Variants in SGSH observed in about 807,000 individuals in gnomAD.
The protein encoded by SGSH is heparan sulfate sulfatase.
Under a neutral mutation model 51.0 loss-of-function variants are expected in SGSH, and 48 were observed. That is an observed-to-expected ratio of 0.94 (90% CI 0.75 to 1.20). SGSH has a LOEUF of 1.20. SGSH is among the 50% of genes most tolerant of loss of function. The pLI is 0.00. For synonymous variants in SGSH, 321 were observed against 313.4 expected (o/e 1.02, Z -0.26); for missense variants, 662 against 717.8 (o/e 0.92, Z 0.89).
intron 4 of SGSH, 111 bp downstream of exon 4, chr17:80,214,503 CT>C: frequency 7.5e-7 from 1 of 1,328,796 alleles, no homozygotes; most frequent in Non-Finnish European, 1.0e-6. Context: ...CTGGAACCTT[CT>C]CCCCTGCCCC....
intron 4 of SGSH, 129 bp downstream of exon 4, chr17:80,214,486 C>T (rs896078878): frequency 1.4e-5 from 18 of 1,289,128 alleles, no homozygotes; most frequent in African/African-American, 2.9e-5. Context: ...CAGGCTAACT[C>T]GAGTACCTGG....
Position 80,213,866 on chromosome 17 carries a change from T to A in SGSH, c.683A>T (p.Asn228Ile), listed in dbSNP as rs771177142. The change falls in exon 6 of 8, where the codon AAC becomes ATC. Residue 228 changes from asparagine to isoleucine, a missense_variant. Coordinates refer to ENST00000326317, the MANE Select transcript of SGSH (RefSeq NM_000199.5). The surrounding 1 kb of genome is among the most constrained non-coding windows in gnomAD (Gnocchi z 4.6). The part of the protein sequence containing the change: ...LDVLVPYFVP[N>I]TPAARADLAA... ...CAGGTCGGCTCGGGCTGCCGGGGTG[T>A]TGGGGACGAAGTAAGGCACCTGGGG... 1 of 1,608,270 alleles carries A rather than the reference T, an allele frequency of 6.2e-7. No individual in the cohort carries two copies. The highest frequency in any genetic ancestry group is 1.7e-5 in the Admixed American group (1 of 59,570).
At chr17:80,204,891 T>G, downstream of SGSH, 1 of 684,020 alleles carries the variant, frequency 1.5e-6, no homozygotes. Flanking sequence ...GAGTGAGTCC[T>G]GTGACCGCTG....
At position 80,210,487 on chromosome 17, in the gene SGSH, A is replaced by G. The variant is rs1458548920; in HGVS notation, c.1474T>C (p.Ser492Pro). The G allele has an allele frequency of 6.2e-7, 1 of 1,602,582 alleles. No individual in the cohort carries two copies. The highest frequency in any genetic ancestry group is 1.3e-5 in the African/African-American group (1 of 74,832). The stretch of plus-strand genomic sequence containing the variant: ...TTGTGGAGGGGCTGGCACTGGGGAG[A>G]GAGCTTCTCCTCCAGGACGCCGTCG... Reference protein sequence around the residue: ...APDGVLEEKLSPQCQPLHNEL With the variant: ...APDGVLEEKLPPQCQPLHNEL The change falls in exon 8 of 8, where the codon TCT (serine) becomes CCT (proline). Residue 492 changes from serine to proline, a missense_variant. Transcript: ENST00000326317.
chr17:80,215,546 C>A (rs367809891), intron 2 of SGSH, among the ~76,000 whole-genome samples: 91 of 152,364 alleles, frequency 6.0e-4, no homozygotes, highest in African/African-American at 2.1e-3. Context: ...GCCGGCCGGG[C>A]GTGGTGGCTC....
chr17:80,219,518 G>A (rs1476196690), intron 1 of SGSH, among the ~76,000 whole-genome samples: 1 of 152,218 alleles, frequency 6.6e-6, no homozygotes. Flanking sequence ...GGAGTTGGCA[G>A]GAGAGCTGTT....
In SGSH at chr17:80,210,921, G is replaced by A. The variant is rs780239925; in HGVS notation, c.1040C>T (p.Ser347Phe). ...GSKTIHLTGRSLLPALEAEPL... is the reference protein window; with the variant it reads ...GSKTIHLTGRFLLPALEAEPL... The stretch of plus-strand genomic sequence containing the variant: ...CTCGGCCTCCAGCGCCGGCAGGAGG[G>A]ACCGGCCAGTGAGGTGGATGGTCTT... The change falls in exon 8 of 8, where the codon TCC becomes TTC. Residue 347 changes from serine (S) to phenylalanine (F), a missense_variant. Ser to Phe is a radical substitution (Grantham distance 155). Coordinates refer to ENST00000326317, the MANE Select transcript of SGSH (RefSeq NM_000199.5). 6.2e-6 allele frequency: 10 copies of A among 1,609,236 alleles called. No homozygotes were observed. The East Asian group carries it at 2.2e-4, about 36-fold the overall frequency.
At position 80,210,655 on chromosome 17, in the gene SGSH, A is replaced by G; in HGVS notation, c.1306T>C (p.Trp436Arg). Residue 436 changes from tryptophan to arginine, a missense_variant, in exon 8 of 8, where the codon TGG becomes CGG. Coordinates refer to ENST00000326317, the MANE Select transcript of SGSH (RefSeq NM_000199.5). ...TCCCGGCTCCGGTCGTAGAGCTCCC[A>G]GCGCGCCCGGTAGTAGTAATGACGG... is the stretch of plus-strand genomic sequence containing the variant. The part of the protein sequence containing the change: ...DLRHYYYRAR[W>R]ELYDRSRDPH... 1 of 1,613,986 alleles carries G rather than the reference A, an allele frequency of 6.2e-7. No individual in the cohort carries two copies. Among genetic ancestry groups the G allele is most frequent in the Non-Finnish European group, 8.5e-7 (1 of 1,180,030 alleles).
At chr17:80,205,068 T>C (rs1350403084), downstream of SGSH, 3 of 1,609,908 alleles carry the variant, frequency 1.9e-6, no homozygotes, top group Non-Finnish European at 2.5e-6. Context: ...GAGAGCTGCC[T>C]CACCCTGGTG....
chr17:80,205,395 G>T, downstream of SGSH: 2 of 1,295,878 alleles, frequency 1.5e-6, no homozygotes, highest in Non-Finnish European at 2.1e-6. Context: ...GCAGGGTCAG[G>T]TTTGTAAAGT....
At position 80,210,698 on chromosome 17, in the gene SGSH, C is replaced by G. The variant is rs140931352; in HGVS notation, c.1263G>C (p.Thr421=). 8.7e-6 allele frequency: 14 copies of G among 1,613,900 alleles called. No individual in the cohort carries two copies. The East Asian group carries it at 3.1e-4, about 36-fold the overall frequency. ...LLNRTTAGQP[T]GWYKDLRHYY... ...AATGACGGAGGTCCTTGTACCAGCCCGTGGGCTGACCAGCTGTGGTGCGGT... is the reference window on the plus strand; with the variant it reads ...AATGACGGAGGTCCTTGTACCAGCCGGTGGGCTGACCAGCTGTGGTGCGGT... Residue 421 remains threonine, a synonymous_variant, in exon 8 of 8, where the codon ACG becomes ACC. Transcript: ENST00000326317.
At position 80,217,878 on chromosome 17, in the gene SGSH, C is replaced by G. The variant is rs974302850; in HGVS notation, c.89-686G>C. ...GATGATACCCTAAGCAGGCATGATA[C>G]CCGGTGGGTATGTTGGCAGGTGGGC... On this transcript the variant is annotated intron_variant, in intron 1 of 7. Transcript: ENST00000326317. 6.7e-5 allele frequency among the ~76,000 whole-genome samples: 10 copies of G among 149,204 alleles called. 1 individual carries two copies. The highest frequency in any genetic ancestry group is 6.0e-4 in the Admixed American group (9 of 15,012).
At chr17:80,208,340 C>T (rs781476504), downstream of SGSH, 16 of 1,592,834 alleles carry the variant, frequency 1.0e-5, no homozygotes, top group African/African-American at 2.7e-5. Flanking sequence ...GCAGAGCCCC[C>T]GATGATGCAC....
downstream of SGSH, chr17:80,206,991 G>A (rs375006162): frequency 2.5e-5 from 40 of 1,611,678 alleles, no homozygotes; most frequent in African/African-American, 6.7e-5. Context: ...CCTCCTGGAC[G>A]TCCAGCTGGA....
At chr17:80,205,487 C>T (rs756582370), downstream of SGSH, 14 of 1,566,094 alleles carry the variant, frequency 8.9e-6, no homozygotes, top group African/African-American at 1.2e-4. Flanking sequence ...CCCCAGACCC[C>T]CACACAGCTG....
At chr17:80,216,605 T>A in intron 2 of SGSH, 1 of 208,758 alleles carries the variant, frequency 4.8e-6, no homozygotes, top group South Asian at 9.5e-5. Flanking sequence ...TAGGAGCATG[T>A]GTGCCTTAAC....
At chr17:80,203,260 ACT>A (rs1325588739), downstream of SGSH, 1 of 146,408 alleles carries the variant, frequency 6.8e-6, no homozygotes, top group East Asian at 2.0e-4. This position sits in a 1 kb window ranked among gnomAD's most constrained non-coding sequence, Gnocchi z 4.6. Context: ...ACAGAGTGAG[ACT>A]CTGTCTCAAA....
At chr17:80,218,004 G>T (rs942964126) in intron 1 of SGSH, among the ~76,000 whole-genome samples, 2 of 152,214 alleles carry the variant, frequency 1.3e-5, no homozygotes, top group African/African-American at 4.8e-5. Context: ...GGCAGGCATG[G>T]TACCCAAGTG....
downstream of SGSH, chr17:80,202,552 C>G: frequency 2.1e-6 from 3 of 1,459,804 alleles, no homozygotes; most frequent in Non-Finnish European, 1.8e-6. Context: ...AGGAGGGAAG[C>G]CTGCCAAGAT....
Sources: gnomAD v4.1 joint callset for allele counts (sites outside exome capture counted in the v4.1 genomes callset) on GRCh38, gnomAD v4.1.1 for gene constraint, Gnocchi (gnomAD v3.1) non-coding constraint, MANE v1.5 for transcripts, NCBI Gene and HGNC (gene_info 2026-07-23, HGNC 2026-07-21) for gene names.